USP51: variants seen among roughly 807,000 people sequenced by gnomAD.
USP51 encodes the protein ubiquitin specific peptidase 51, also known as ubiquitin carboxyl-terminal hydrolase 51.
A neutral mutation model predicts 17.6 loss-of-function variants in USP51; 5 were observed. The ratio of observed to expected loss-of-function variants is 0.28; its 90% CI spans 0.15 to 0.60. The LOEUF is 0.60. USP51 is among the 20% of genes least tolerant of loss of function. The probability of loss-of-function intolerance (pLI) is 0.88; values close to 1 mark genes in which losing one functional copy is unlikely to be tolerated. For synonymous variants in USP51, 248 were observed against 216.1 expected, an observed-to-expected ratio of 1.15 and a Z score of -1.29; for missense variants, 459 against 559.5, an observed-to-expected ratio of 0.82 and a Z score of 1.81.
Position 55,488,638 on chromosome X carries a change from C to T in USP51, c.302G>A (p.Arg101His), listed in dbSNP as rs1460713247. 1 of 1,172,937 alleles carries T rather than the reference C, an allele frequency of 8.5e-7. No individual in the cohort carries two copies. Among genetic ancestry groups the T allele is most frequent in the Admixed American group, 2.3e-5 (1 of 43,449 alleles). ...CTGGGGCCGAGGGCGGGGCTTGCGG[C>T]GCGGGCAAACGGGCGAGGAGCTGCT... is the stretch of plus-strand genomic sequence containing the variant. ...CHSSSSPVCP[R>H]RKPRPRPQPR... Residue 101 changes from arginine (R) to histidine (H), a missense_variant, in exon 3 of 3, where the codon CGC (arginine) becomes CAC (histidine). By Grantham distance (29) the Arg-to-His change is conservative. Transcript: ENST00000500968.
In USP51 at chrX:55,486,657, T is replaced by A; in HGVS notation, c.*147A>T. On this transcript the variant is annotated 3_prime_UTR_variant, in exon 3 of 3. Coordinates refer to ENST00000500968, the MANE Select transcript of USP51 (RefSeq NM_201286.4). ...TCATTTTTTTCTTCCGACAGACCCA[T>A]GGGCCATGCTAAAATAGGTTCTTTA... 2.5e-6 allele frequency: 2 copies of A among 787,943 alleles called. No individual in the cohort carries two copies. The highest frequency in any genetic ancestry group is 8.6e-5 in the Admixed American group (2 of 23,363). The allele number at this position is 787,943 out of a possible 1,213,427, so 64.9% of individuals were successfully genotyped here.
In USP51 at chrX:55,489,306, T is replaced by C. The variant is rs2031388584; in HGVS notation, c.-187A>G. ...AAAAGGCGCCACCCTCTGACTGCTT[T>C]TTTGCGCCCTGCGCAGCCTCGCTTT... On this transcript the variant is annotated 5_prime_UTR_variant, in exon 2 of 3. Coordinates refer to ENST00000500968, the MANE Select transcript of USP51 (RefSeq NM_201286.4). The C allele has an allele frequency of 5.8e-6, 1 of 172,554 alleles. No homozygotes were observed. Among genetic ancestry groups the C allele is most frequent in the African/African-American group, 3.0e-5 (1 of 33,331 alleles). 14.2% of individuals were successfully genotyped at this position (172,554 alleles called of 1,213,427 possible). A position where few individuals can be genotyped will look rare whatever the true frequency, so the allele number is the denominator to read the frequency against.
rs375470699 is a variant in USP51, at chrX:55,485,801, A to G, written c.*1003T>C. ...TATCTAAGGTTCTTTTTATTTTACAAGTCTCTATTTTCTTCCTGTATTTTT... is the reference window on the plus strand; with the variant it reads ...TATCTAAGGTTCTTTTTATTTTACAGGTCTCTATTTTCTTCCTGTATTTTT... On this transcript the variant is annotated 3_prime_UTR_variant, in exon 3 of 3. Coordinates refer to ENST00000500968, the MANE Select transcript of USP51 (RefSeq NM_201286.4). 8 of 110,278 alleles carry G rather than the reference A, an allele frequency of 7.3e-5. No individual in the cohort carries two copies. The South Asian group carries it at 1.9e-3, about 26-fold the overall frequency. 9.1% of individuals were successfully genotyped at this position (110,278 alleles called of 1,213,427 possible).
Position 55,488,744 on chromosome X carries a change from G to A in USP51, c.196C>T (p.Pro66Ser), listed in dbSNP as rs1262344005. ...CACGTCAAGTTCTCCTCCGGCGCGG[G>A]CTCACGCTCTTGTAATGGCTCCAGC... ...MKLEPLQERE[P>S]APEENLTWSS... Residue 66 changes from proline (P) to serine (S), a missense_variant, in exon 3 of 3, where the codon CCC (proline) becomes TCC (serine). Around this residue, in one of 2 missense-constraint regions of USP51, gnomAD observed 232 missense variants for 194.0 expected, o/e 1.20. Transcript: ENST00000500968. 4 of 1,207,073 alleles carry A rather than the reference G, an allele frequency of 3.3e-6. No homozygotes were observed. Among genetic ancestry groups the A allele is most frequent in the Non-Finnish European group, 4.5e-6 (4 of 895,433 alleles).
rs1349443600 is a variant in USP51 at position 55,488,817 on chromosome X, C to G, written c.123G>C (p.Ala41=). Residue 41 remains alanine, a synonymous_variant, in exon 3 of 3, where the codon GCG becomes GCC. Transcript: ENST00000500968. ...TCGAAGACGCCTTCGTAGCCCCCGC[C>G]GCCGCCTCCTCCATTTTCCCCGCCT... The part of the protein sequence containing the change: ...VEKAGKMEEA[A]AGATKASSRR... 5 of 1,211,373 alleles carry G rather than the reference C, an allele frequency of 4.1e-6. No homozygotes were observed. The highest frequency in any genetic ancestry group is 2.3e-4 in the Middle Eastern group (1 of 4,353).
Position 55,489,192 on chromosome X carries a change from T to G in USP51, c.-73A>C. On this transcript the variant is annotated 5_prime_UTR_variant, in exon 2 of 3. An upstream start codon of the reference 5' UTR is lost. Transcript: ENST00000500968. ...ACCTGCTTCAAAGGCGATCAGATCATGCCAGGGGACTGGGAACAGAAGGCT... is the reference window on the plus strand; with the variant it reads ...ACCTGCTTCAAAGGCGATCAGATCAGGCCAGGGGACTGGGAACAGAAGGCT... 2.6e-6 allele frequency: 1 copy of G among 384,938 alleles called. No individual in the cohort carries two copies. Among genetic ancestry groups the G allele is most frequent in the Non-Finnish European group, 4.5e-6 (1 of 223,375 alleles). The allele number at this position is 384,938 out of a possible 1,213,427, so 31.7% of individuals were successfully genotyped here. A position where few individuals can be genotyped will look rare whatever the true frequency, so the allele number is the denominator to read the frequency against.
At chrX:55,489,640 ACTC>A (rs1569197965) in intron 1 of USP51, among the ~76,000 whole-genome samples, 133 bp downstream of exon 1, 1 of 108,995 alleles carries the variant, frequency 9.2e-6, no homozygotes, top group African/African-American at 3.4e-5. Flanking sequence ...TCGGATTACT[ACTC>A]CCTCCCTTCA....
chrX:55,489,039 T>G, intron 2 of USP51, 51 bp from the exon 3 acceptor site: 2 of 1,069,983 alleles, frequency 1.9e-6, no homozygotes, highest in South Asian at 4.5e-5. Flanking sequence ...CCCAGCGTCA[T>G]GGCCGCGGTG....
Position 55,488,691 on chromosome X carries a change from C to T in USP51, c.249G>A (p.Val83=). The T allele has an allele frequency of 8.3e-7, 1 of 1,199,779 alleles. No homozygotes were observed. Among genetic ancestry groups the T allele is most frequent in the Non-Finnish European group, 1.1e-6 (1 of 894,685 alleles). ...GACAGCGAAGGGGGATTGAAGGGAG[C>T]ACCTTCTCGTCGCCGCCGCTGCTGC... ...TWSSSGGDEK[V]LPSIPLRCHS... The change falls in exon 3 of 3, where the codon GTG becomes GTA. Residue 83 remains valine (V), a synonymous_variant. Transcript: ENST00000500968.
chrX:55,488,991 G>C lies in USP51; in HGVS notation c.-49-3C>G, dbSNP rs767610793. The C allele has an allele frequency of 1.7e-6, 2 of 1,160,828 alleles. No homozygotes were observed. Among genetic ancestry groups the C allele is most frequent in the South Asian group, 1.9e-5 (1 of 51,946 alleles). ...AGGCGTCTGGAAAACAGCTGCGACT[G>C]TAGATGAAAGGAGACAGAGACTTCT... On this transcript the variant is annotated splice_polypyrimidine_tract_variant and splice_region_variant and intron_variant, in intron 2 of 2. Transcript: ENST00000500968.
At position 55,487,709 on chromosome X, in the gene USP51, T is replaced by C. The variant is rs764404400; in HGVS notation, c.1231A>G (p.Met411Val). ...TSPSLCLVCEMSSLFHAMYSG... is the reference protein window; with the variant it reads ...TSPSLCLVCEVSSLFHAMYSG... ...TACATAGCATGAAAAAGCGAAGACA[T>C]TTCACAGACCAGACACAAGCTGGGG... is the stretch of plus-strand genomic sequence containing the variant. The change falls in exon 3 of 3, where the codon ATG (methionine) becomes GTG (valine). Residue 411 changes from methionine to valine, a missense_variant. Met to Val is a conservative substitution (Grantham distance 21). Coordinates refer to ENST00000500968, the MANE Select transcript of USP51 (RefSeq NM_201286.4). The C allele has an allele frequency of 1.1e-5, 13 of 1,210,395 alleles. No homozygotes were observed. The highest frequency in any genetic ancestry group is 1.3e-5 in the Non-Finnish European group (12 of 895,358).
Position 55,485,156 on chromosome X carries a change from A to G in USP51, c.*1648T>C, listed in dbSNP as rs1186808309. On this transcript the variant is annotated 3_prime_UTR_variant, in exon 3 of 3. Coordinates refer to ENST00000500968, the MANE Select transcript of USP51 (RefSeq NM_201286.4). ...GATATGGGTCCCTGCCACTTCCTCA[A>G]TCAGGCCATGGGGCTCAAATACCAA... The G allele has an allele frequency of 8.9e-6, 1 of 111,904 alleles. No individual in the cohort carries two copies. Among genetic ancestry groups the G allele is most frequent in the African/African-American group, 3.2e-5 (1 of 30,779 alleles). 9.2% of individuals were successfully genotyped at this position (111,904 alleles called of 1,213,427 possible). A position where few individuals can be genotyped will look rare whatever the true frequency, so the allele number is the denominator to read the frequency against.
chrX:55,489,479 T>C (rs1451676682), intron 1 of USP51, among the ~76,000 whole-genome samples, 114 bp from the exon 2 acceptor site: 2 of 112,564 alleles, frequency 1.8e-5, no homozygotes, highest in Admixed American at 1.9e-4. Context: ...CCTATACTTC[T>C]GTGACCCGGT....
In USP51 at chrX:55,487,670, T is replaced by A; in HGVS notation, c.1270A>T (p.Thr424Ser). ...LFHAMYSGSRTPHIPYKLLHL... is the reference protein window; with the variant it reads ...LFHAMYSGSRSPHIPYKLLHL... ...AGTAACTTATAGGGAATGTGAGGAG[T>A]TCGGCTCCCAGAGTACATAGCATGA... is the stretch of plus-strand genomic sequence containing the variant. The change falls in exon 3 of 3, where the codon ACT becomes TCT. Residue 424 changes from threonine (T) to serine (S), a missense_variant. By Grantham distance (58) the Thr-to-Ser change is moderately conservative. This residue lies in a region of USP51 where 227 missense variants were observed against 365.5 expected (regional missense o/e 0.62). Transcript: ENST00000500968. The A allele has an allele frequency of 5.0e-6, 6 of 1,211,891 alleles. No homozygotes were observed. The highest frequency in any genetic ancestry group is 6.7e-6 in the Non-Finnish European group (6 of 895,542).
In USP51 at chrX:55,486,518, C is replaced by T; in HGVS notation, c.*286G>A. ...ATAGAGTAGCATCAGAACACTTCTACTCCCGTTGTCCCCACCTAAAGCATT... is the reference window on the plus strand; with the variant it reads ...ATAGAGTAGCATCAGAACACTTCTATTCCCGTTGTCCCCACCTAAAGCATT... On this transcript the variant is annotated 3_prime_UTR_variant, in exon 3 of 3. Coordinates refer to ENST00000500968, the MANE Select transcript of USP51 (RefSeq NM_201286.4). 3.7e-6 allele frequency: 1 copy of T among 269,282 alleles called. No homozygotes were observed. Among genetic ancestry groups the T allele is most frequent in the Non-Finnish European group, 6.5e-6 (1 of 153,447 alleles). 22.2% of individuals were successfully genotyped at this position (269,282 alleles called of 1,213,427 possible). A position where few individuals can be genotyped will look rare whatever the true frequency, so the allele number is the denominator to read the frequency against.
chrX:55,486,630 A>C lies in USP51; in HGVS notation c.*174T>G. ...TAAGGTTGAATGGTCACTGGTTAGT[A>C]TTCATTTTTTTCTTCCGACAGACCC... On this transcript the variant is annotated 3_prime_UTR_variant, in exon 3 of 3. Transcript: ENST00000500968. The C allele has an allele frequency of 3.6e-6, 2 of 560,814 alleles. No individual in the cohort carries two copies. Among genetic ancestry groups the C allele is most frequent in the Non-Finnish European group, 5.3e-6 (2 of 374,457 alleles). The allele number at this position is 560,814 out of a possible 1,213,427, so 46.2% of individuals were successfully genotyped here. A position where few individuals can be genotyped will look rare whatever the true frequency, so the allele number is the denominator to read the frequency against.
rs1350868724 is a variant in USP51, at chrX:55,486,821, C to A, written c.2119G>T (p.Gly707Cys). Reference sequence around the variant, plus strand: ...TGGTAAGACTAGTCTTTCTCTAGACCCTGTTTGTGATAGAACAGTAAATAC... The same window carrying A: ...TGGTAAGACTAGTCTTTCTCTAGACACTGTTTGTGATAGAACAGTAAATAC... ...EGYLLFYHKQGLEKD is the reference protein window; with the variant it reads ...EGYLLFYHKQCLEKD Residue 707 changes from glycine (G) to cysteine (C), a missense_variant, in exon 3 of 3, where the codon GGT becomes TGT. By Grantham distance (159) the Gly-to-Cys change is radical (BLOSUM62 -3). Around this residue, in one of 2 missense-constraint regions of USP51, gnomAD observed 227 missense variants for 365.5 expected, o/e 0.62. Coordinates refer to ENST00000500968, the MANE Select transcript of USP51 (RefSeq NM_201286.4). The A allele has an allele frequency of 1.7e-6, 2 of 1,194,239 alleles. No homozygotes were observed. The highest frequency in any genetic ancestry group is 6.0e-5 in the East Asian group (2 of 33,598).
Position 55,486,608 on chromosome X carries a change from G to T in USP51, c.*196C>A. On this transcript the variant is annotated 3_prime_UTR_variant, in exon 3 of 3. Transcript: ENST00000500968. ...TCTTCTCCCTCTCCCCATTTCTTAA[G>T]GTTGAATGGTCACTGGTTAGTATTC... 1 of 447,580 alleles carries T rather than the reference G, an allele frequency of 2.2e-6. No individual in the cohort carries two copies. The highest frequency in any genetic ancestry group is 3.5e-6 in the Non-Finnish European group (1 of 281,844). The allele number at this position is 447,580 out of a possible 1,213,427, so 36.9% of individuals were successfully genotyped here. A position where few individuals can be genotyped will look rare whatever the true frequency, so the allele number is the denominator to read the frequency against.
In USP51 at chrX:55,485,736, T is replaced by C. The variant is rs1221688270; in HGVS notation, c.*1068A>G. 9.0e-6 allele frequency: 1 copy of C among 111,143 alleles called. No homozygotes were observed. The highest frequency in any genetic ancestry group is 1.9e-5 in the Non-Finnish European group (1 of 52,879). The allele number at this position is 111,143 out of a possible 1,213,427, so 9.2% of individuals were successfully genotyped here. A position where few individuals can be genotyped will look rare whatever the true frequency, so the allele number is the denominator to read the frequency against. ...TTAAAAGCTTAAATTTTTAAATCTTTATTTAAATATTTAAAGTTTTCATTT... is the reference window on the plus strand; with the variant it reads ...TTAAAAGCTTAAATTTTTAAATCTTCATTTAAATATTTAAAGTTTTCATTT... On this transcript the variant is annotated 3_prime_UTR_variant, in exon 3 of 3. Coordinates refer to ENST00000500968, the MANE Select transcript of USP51 (RefSeq NM_201286.4).
Sources: allele counts gnomAD v4.1 joint callset (sites outside exome capture counted in the v4.1 genomes callset), GRCh38; gene constraint gnomAD v4.1.1; regional missense constraint gnomAD v4.1.1; transcripts MANE v1.5; gene names NCBI Gene and HGNC (gene_info 2026-07-23, HGNC 2026-07-21).